UBE2V1: variants seen among roughly 807,000 people sequenced by gnomAD.
The protein encoded by UBE2V1 is ubiquitin-conjugating enzyme E2 variant 1.
Under a neutral mutation model 19.6 loss-of-function variants are expected in UBE2V1, and 15 were observed. The ratio of observed to expected loss-of-function variants is 0.77; its 90% confidence interval spans 0.51 to 1.18. The LOEUF (loss-of-function observed/expected upper bound fraction) is 1.18. Among genes scored for constraint, UBE2V1 ranks in the 50% most tolerant of loss-of-function variants. UBE2V1 has a pLI of 0.00. For missense variants in UBE2V1, 125 were observed against 184.8 expected, an observed-to-expected ratio of 0.68 and a Z score of 1.88; for synonymous variants, 60 against 60.7, an observed-to-expected ratio of 0.99 and a Z score of 0.05.
chr20:50,090,624 A>G (rs1202103766), intron 2 of UBE2V1, among the ~76,000 whole-genome samples: 1 of 152,254 alleles, frequency 6.6e-6, no homozygotes, highest in Admixed American at 6.5e-5. Flanking sequence ...TCACAGAAGC[A>G]GAGAACAGAA....
intron 1 of UBE2V1, 151 bp from the exon 2 acceptor site, chr20:50,096,971 T>G: frequency 7.7e-7 from 1 of 1,303,490 alleles, no homozygotes; most frequent in Non-Finnish European, 1.0e-6. Context: ...TTGCTACTTA[T>G]AAAGCTATCA....
chr20:50,085,634 C>T (rs537852290), intron 2 of UBE2V1, among the ~76,000 whole-genome samples: 2 of 152,132 alleles, frequency 1.3e-5, no homozygotes, highest in Non-Finnish European at 2.9e-5. Flanking sequence ...GTGTAAACAG[C>T]GGCATCTAGT....
At chr20:50,096,595 G>A in intron 2 of UBE2V1, 77 bp downstream of exon 2, 1 of 1,605,990 alleles carries the variant, frequency 6.2e-7, no homozygotes, top group Non-Finnish European at 8.5e-7. Context: ...TTTTTTCCGT[G>A]ATAAGGCTAA....
chr20:50,084,030 A>G (rs2078764294), intron 3 of UBE2V1, 99 bp downstream of exon 3: 1 of 1,503,562 alleles, frequency 6.7e-7, no homozygotes, highest in African/African-American at 1.4e-5. Flanking sequence ...ACAAATAACC[A>G]AAGAACCTAG....
chr20:50,113,069 TGCCCCCTCGGCCGGCCGG>T lies in UBE2V1; in HGVS notation c.22+20_22+37del. The T allele has an allele frequency of 1.0e-6, 1 of 969,096 alleles. No individual in the cohort carries two copies. Among genetic ancestry groups the T allele is most frequent in the Non-Finnish European group, 1.4e-6 (1 of 712,626 alleles). The allele number at this position is 969,096 out of a possible 1,614,324, so 60.0% of individuals were successfully genotyped here. A position where few individuals can be genotyped will look rare whatever the true frequency, so the allele number is the denominator to read the frequency against. ...GTCCCCGGCCCCCGGCCCAAGCCCA[TGCCCCCTCGGCCGGCCGG>T]GCCCGGCGCCCCCGCTCACCCGAGC... On this transcript the variant is annotated intron_variant, in intron 1 of 3. Transcript: ENST00000371674.
At position 50,113,121 on chromosome 20, in the gene UBE2V1, G is replaced by A. The variant is rs779357400; in HGVS notation, c.8C>T (p.Ala3Val). The A allele has an allele frequency of 7.3e-7, 1 of 1,369,304 alleles. No homozygotes were observed. Among genetic ancestry groups the A allele is most frequent in the Non-Finnish European group, 9.6e-7 (1 of 1,045,334 alleles). 84.8% of individuals were successfully genotyped at this position (1,369,304 alleles called of 1,614,324 possible). A position where few individuals can be genotyped will look rare whatever the true frequency, so the allele number is the denominator to read the frequency against. Residue 3 changes from alanine to valine, a missense_variant, in exon 1 of 4, where the codon GCC (alanine) becomes GTC (valine). Ala to Val is a moderately conservative substitution (Grantham distance 64, BLOSUM62 0). This residue lies in a region of UBE2V1 where 28 missense variants were observed against 22.5 expected (regional missense o/e 1.25). Transcript: ENST00000371674. ...CCCCCGCTCACCCGAGCCCGTGGTG[G>A]CTGCCATCTTGCGTCGCTCTTGCTT... Reference protein sequence around the residue: MAATTGSGVKVPR... With the variant: MAVTTGSGVKVPR...
At chr20:50,112,379 C>T (rs988093731) in intron 1 of UBE2V1, among the ~76,000 whole-genome samples, 2 of 152,196 alleles carry the variant, frequency 1.3e-5, no homozygotes, top group Non-Finnish European at 2.9e-5. Context: ...TCTGTATCCT[C>T]GAACAGGAGA....
intron 2 of UBE2V1, chr20:50,095,236 C>T (rs148004342): frequency 1.3e-5 from 2 of 152,040 alleles, no homozygotes; most frequent in Non-Finnish European, 1.5e-5. Flanking sequence ...CTCAAGAAAC[C>T]GAAATCATTC....
intron 1 of UBE2V1, among the ~76,000 whole-genome samples, chr20:50,097,274 A>C (rs918126520): frequency 6.6e-5 from 10 of 152,220 alleles, no homozygotes; most frequent in African/African-American, 2.4e-4. Flanking sequence ...GGATATGGGA[A>C]ATAAAAATGG....
At chr20:50,083,144 G>C (rs956420274) in intron 3 of UBE2V1, among the ~76,000 whole-genome samples, 1 of 152,232 alleles carries the variant, frequency 6.6e-6, no homozygotes, top group African/African-American at 2.4e-5. Context: ...TAAGGAAACG[G>C]TGGTACTGAC....
chr20:50,089,266 C>T (rs777056937), intron 2 of UBE2V1, among the ~76,000 whole-genome samples: 24 of 152,132 alleles, frequency 1.6e-4, no homozygotes, highest in Non-Finnish European at 2.9e-5. Flanking sequence ...AAGAGTTGAA[C>T]TCAGAACTCT....
At chr20:50,088,475 T>C (rs1429441979) in intron 2 of UBE2V1, among the ~76,000 whole-genome samples, 4 of 152,052 alleles carry the variant, frequency 2.6e-5, no homozygotes, top group Non-Finnish European at 5.9e-5. Context: ...TATTAGAAAA[T>C]AAAATTTGTT....
At chr20:50,106,476 C>A (rs1016575090) in intron 1 of UBE2V1, among the ~76,000 whole-genome samples, 7 of 152,140 alleles carry the variant, frequency 4.6e-5, no homozygotes, top group African/African-American at 1.7e-4. Flanking sequence ...ATCATGGCCA[C>A]CAAGCAGCAG....
chr20:50,092,336 A>C (rs774494788), intron 2 of UBE2V1, among the ~76,000 whole-genome samples: 11 of 152,040 alleles, frequency 7.2e-5, no homozygotes, highest in Non-Finnish European at 1.6e-4. Context: ...AAACAGAAAA[A>C]ACACTATTTT....
chr20:50,094,003 A>T (rs1302869174), intron 2 of UBE2V1, among the ~76,000 whole-genome samples: 3 of 129,910 alleles, frequency 2.3e-5, no homozygotes, highest in Admixed American at 8.2e-5. Flanking sequence ...AAAAAAAAAA[A>T]AAAAAAAAAT....
rs534292557 is a variant in UBE2V1, at chr20:50,093,849, C to T, written c.171+2823G>A. Reference sequence around the variant, plus strand: ...TACTAAAAATACAAAATTAGCTGGGCGTGGTGGCGGGTACCTGTAATCCCA... The same window carrying T: ...TACTAAAAATACAAAATTAGCTGGGTGTGGTGGCGGGTACCTGTAATCCCA... On this transcript the variant is annotated intron_variant, in intron 2 of 3. Coordinates refer to ENST00000371674, the MANE Select transcript of UBE2V1 (RefSeq NM_001032288.3). 1.7e-4 allele frequency among the ~76,000 whole-genome samples: 26 copies of T among 150,646 alleles called. No individual in the cohort carries two copies. The East Asian group carries it at 3.9e-3, about 23-fold the overall frequency.
chr20:50,107,947 T>C (rs2147190198), intron 1 of UBE2V1, among the ~76,000 whole-genome samples: 1 of 152,308 alleles, frequency 6.6e-6, no homozygotes, highest in South Asian at 2.1e-4. Context: ...CCTTTCTGGG[T>C]AGCTGCGACC....
intron 2 of UBE2V1, among the ~76,000 whole-genome samples, chr20:50,093,762 T>C (rs941880477): frequency 3.8e-4 from 58 of 151,180 alleles, no homozygotes; most frequent in African/African-American, 1.4e-3. Context: ...GAGGCCGAGG[T>C]GGGTAGATCA....
At chr20:50,093,947 C>T (rs2079395125) in intron 2 of UBE2V1, among the ~76,000 whole-genome samples, 1 of 130,504 alleles carries the variant, frequency 7.7e-6, no homozygotes, top group South Asian at 2.4e-4. Context: ...GAGATTGCGC[C>T]ACTGCACTCC....
Sources: allele counts gnomAD v4.1 joint callset (sites outside exome capture counted in the v4.1 genomes callset), GRCh38; gene constraint gnomAD v4.1.1; regional missense constraint gnomAD v4.1.1; transcripts MANE v1.5; gene names NCBI Gene and HGNC (gene_info 2026-07-23, HGNC 2026-07-21).